The following KIRREL3 variants were observed in gnomAD, a reference collection of about 807,000 sequenced individuals.
KIRREL3 encodes kirre like nephrin family adhesion molecule 3, also known as kin of IRRE-like protein 3.
KIRREL3 carries 36 observed loss-of-function variants against 89.7 expected under a neutral mutation model. The observed-to-expected ratio is 0.40, with a 90% CI of 0.31 to 0.53. The LOEUF is 0.53. Among genes scored for constraint, KIRREL3 ranks in the 20% least tolerant of loss-of-function variants. The pLI, the probability that KIRREL3 is intolerant of heterozygous loss-of-function variation, is 0.49. For missense variants in KIRREL3, 864 were observed against 1,056.6 expected (o/e 0.82, Z 2.53); for synonymous variants, 445 against 441.4 (o/e 1.01, Z -0.10).
Position 126,429,430 on chromosome 11 carries a change from C to G in KIRREL3, c.1697-142G>C. The G allele has an allele frequency of 1.5e-6, 1 of 654,180 alleles. No homozygotes were observed. The highest frequency in any genetic ancestry group is 2.8e-5 in the East Asian group (1 of 36,032). The allele number at this position is 654,180 out of a possible 1,614,324, so 40.5% of individuals were successfully genotyped here. ...CTGAACTCAGCAGCTTCACCAGCCCCCCACCAATAGAACCTCCATATGGAG... is the reference window on the plus strand; with the variant it reads ...CTGAACTCAGCAGCTTCACCAGCCCGCCACCAATAGAACCTCCATATGGAG... On this transcript the variant is annotated intron_variant, in intron 14 of 16. Transcript: ENST00000525144. The surrounding 1 kb of genome is among the most constrained non-coding windows in gnomAD (Gnocchi z 5.2).
intron 1 of KIRREL3, among the ~76,000 whole-genome samples, chr11:126,846,753 G>T (rs1045576055): frequency 1.3e-5 from 2 of 152,120 alleles, no homozygotes; most frequent in Non-Finnish European, 2.9e-5. Flanking sequence ...ATTATAAGAA[G>T]CTGTGAGAAT....
At chr11:126,621,667 C>T (rs1302850749) in intron 1 of KIRREL3, among the ~76,000 whole-genome samples, 1 of 152,030 alleles carries the variant, frequency 6.6e-6, no homozygotes, top group East Asian at 1.9e-4. Flanking sequence ...CATTGAAACA[C>T]CACATTATTT....
chr11:126,829,184 G>C (rs1943518845), intron 1 of KIRREL3, among the ~76,000 whole-genome samples: 1 of 152,194 alleles, frequency 6.6e-6, no homozygotes, highest in African/African-American at 2.4e-5. Context: ...AGGAGGAGGA[G>C]AGCCTGAGCT....
intron 1 of KIRREL3, among the ~76,000 whole-genome samples, chr11:126,856,820 C>G (rs1249408309): frequency 6.6e-6 from 1 of 151,980 alleles, no homozygotes; most frequent in African/African-American, 2.4e-5. Context: ...GTCTCGATCT[C>G]CTGACCTCAT....
At chr11:126,629,517 T>C (rs1943930775) in intron 1 of KIRREL3, among the ~76,000 whole-genome samples, 1 of 152,154 alleles carries the variant, frequency 6.6e-6, no homozygotes, top group Admixed American at 6.5e-5. Flanking sequence ...TTTGCACTGC[T>C]CTCTCTAGGG....
rs758072274 is a variant in KIRREL3, at chr11:126,620,690, A to G, written c.56-57778T>C. On this transcript the variant is annotated intron_variant, in intron 1 of 16. Coordinates refer to ENST00000525144, the MANE Select transcript of KIRREL3 (RefSeq NM_032531.4). This position sits in a 1 kb window ranked among gnomAD's most constrained non-coding sequence, Gnocchi z 4.8. ...TTAGTTCCTTCCTGGTCCCACATTC[A>G]TTCCCTTGCTGCCTTCTTCAATGCT... is the stretch of plus-strand genomic sequence containing the variant. Among the ~76,000 whole-genome samples, 1 of 152,194 alleles carries G rather than the reference A, an allele frequency of 6.6e-6. No homozygotes were observed. The highest frequency in any genetic ancestry group is 2.4e-5 in the African/African-American group (1 of 41,452).
chr11:126,767,942 G>C (rs1030086788), intron 1 of KIRREL3, among the ~76,000 whole-genome samples: 1 of 152,200 alleles, frequency 6.6e-6, no homozygotes, highest in African/African-American at 2.4e-5. Flanking sequence ...TGGTAGGAAT[G>C]ACAATTTCTC....
At chr11:126,451,365 A>C (rs918016546) in intron 7 of KIRREL3, among the ~76,000 whole-genome samples, 49 of 33,092 alleles carry the variant, frequency 1.5e-3, no homozygotes, top group African/African-American at 3.9e-3. Flanking sequence ...TGTGAGTGTG[A>C]CTATGTGTGA....
In KIRREL3 at chr11:126,459,431, G is replaced by A. The variant is rs570800256; in HGVS notation, c.743-2977C>T. 1.3e-5 allele frequency among the ~76,000 whole-genome samples: 2 copies of A among 152,142 alleles called. No individual in the cohort carries two copies. The highest frequency in any genetic ancestry group is 4.2e-4 in the South Asian group (2 of 4,818). ...CACCTGCCCCGAAGCGATTCACAAG[G>A]GTTCCACACTCACTGGCCATATCTG... On this transcript the variant is annotated intron_variant, in intron 6 of 16. Transcript: ENST00000525144. The surrounding 1 kb of genome is among the most constrained non-coding windows in gnomAD (Gnocchi z 4.8).
At chr11:126,577,882 A>C (rs1482318401) in intron 1 of KIRREL3, among the ~76,000 whole-genome samples, 1 of 152,122 alleles carries the variant, frequency 6.6e-6, no homozygotes, top group Non-Finnish European at 1.5e-5. Context: ...TCTTCGAACA[A>C]AAAGTGTTTT....
rs193205927 is a variant in KIRREL3 at position 126,462,238 on chromosome 11, G to T, written c.742+919C>A. On this transcript the variant is annotated intron_variant, in intron 6 of 16. Transcript: ENST00000525144. This position sits in a 1 kb window ranked among gnomAD's most constrained non-coding sequence, Gnocchi z 4.8. ...CGAGGGCTGGCTGGGCAGGAGTGTGGAGAGGATGTTACCAGGGTGGACTCT... is the reference window on the plus strand; with the variant it reads ...CGAGGGCTGGCTGGGCAGGAGTGTGTAGAGGATGTTACCAGGGTGGACTCT... 2.0e-5 allele frequency among the ~76,000 whole-genome samples: 3 copies of T among 152,244 alleles called. No homozygotes were observed. In the East Asian group the frequency reaches 5.8e-4, roughly 29 times the overall value.
intron 1 of KIRREL3, among the ~76,000 whole-genome samples, chr11:126,858,581 G>C (rs1944611128): frequency 6.6e-6 from 1 of 152,038 alleles, no homozygotes; most frequent in Non-Finnish European, 1.5e-5. Context: ...GTTCTCCTCT[G>C]CCATTCACAA....
intron 1 of KIRREL3, among the ~76,000 whole-genome samples, chr11:126,921,907 T>TATCTTCCTATCTATCTATCC: frequency 6.6e-6 from 1 of 152,104 alleles, no homozygotes; most frequent in African/African-American, 2.4e-5. Flanking sequence ...TCTATCTATC[T>TATCTTCCTATCTATCTATCC]ATCTTCCTAT....
At chr11:126,914,261 G>A (rs141123622) in intron 1 of KIRREL3, among the ~76,000 whole-genome samples, 29 of 152,342 alleles carry the variant, frequency 1.9e-4, no homozygotes, top group African/African-American at 7.0e-4. Context: ...ATGAAAGAGG[G>A]AGAAACAAAC....
At chr11:126,741,909 G>T (rs1948999543) in intron 1 of KIRREL3, among the ~76,000 whole-genome samples, 1 of 152,220 alleles carries the variant, frequency 6.6e-6, no homozygotes, top group Non-Finnish European at 1.5e-5. Context: ...CTAGGTGAGA[G>T]GGGGAGAGTG....
In KIRREL3 at chr11:126,516,594, T is replaced by C. The variant is rs1958416195; in HGVS notation, c.433+4721A>G. On this transcript the variant is annotated intron_variant, in intron 4 of 16. Transcript: ENST00000525144. This position sits in a 1 kb window ranked among gnomAD's most constrained non-coding sequence, Gnocchi z 4.9. The stretch of plus-strand genomic sequence containing the variant: ...CTAGTGCTTGGCATATAACAGGTGC[T>C]CAGTAAACATTTGTTGATCAAATCC... Among the ~76,000 whole-genome samples the C allele has an allele frequency of 6.6e-6, 1 of 152,190 alleles. No individual in the cohort carries two copies. Among genetic ancestry groups the C allele is most frequent in the African/African-American group, 2.4e-5 (1 of 41,442 alleles).
In KIRREL3 at chr11:126,772,766, C is replaced by T. The variant is rs1246340109; in HGVS notation, c.56-209854G>A. ...TCTGGGGGTGCCATCGTGGTGCCTT[C>T]TGCTTCCTCCTGCCCTGAGGAGTTT... On this transcript the variant is annotated intron_variant, in intron 1 of 16. Transcript: ENST00000525144. The surrounding 1 kb of genome is among the most constrained non-coding windows in gnomAD (Gnocchi z 4.6). Among the ~76,000 whole-genome samples the T allele has an allele frequency of 3.9e-5, 6 of 152,212 alleles. No homozygotes were observed. Among genetic ancestry groups the T allele is most frequent in the Non-Finnish European group, 8.8e-5 (6 of 68,028 alleles).
At chr11:126,632,640 G>A (rs369524715) in intron 1 of KIRREL3, among the ~76,000 whole-genome samples, 11 of 24,902 alleles carry the variant, frequency 4.4e-4, no homozygotes, top group African/African-American at 1.0e-3. Context: ...AGCACGGAGC[G>A]TTTACTTTCT....
At chr11:126,937,875 G>T (rs1419397779) in intron 1 of KIRREL3, among the ~76,000 whole-genome samples, 1 of 152,144 alleles carries the variant, frequency 6.6e-6, no homozygotes, top group African/African-American at 2.4e-5. Context: ...CTCCAGCCTG[G>T]GCGACAGAGC....
Sources: allele counts gnomAD v4.1 joint callset (sites outside exome capture counted in the v4.1 genomes callset), GRCh38; gene constraint gnomAD v4.1.1; non-coding constraint Gnocchi (gnomAD v3.1); transcripts MANE v1.5; gene names NCBI Gene and HGNC (gene_info 2026-07-23, HGNC 2026-07-21).